The following KLHL32 variants were observed in gnomAD, a reference collection of about 807,000 sequenced individuals.
The protein encoded by KLHL32 is kelch-like protein 32.
KLHL32 carries 35 observed loss-of-function variants against 64.8 expected under a neutral mutation model. That is an observed-to-expected ratio of 0.54 (90% CI 0.41 to 0.72). The LOEUF (loss-of-function observed/expected upper bound fraction) is 0.72, where lower values mean the gene tolerates loss of function less well. KLHL32 is among the 30% of genes least tolerant of loss of function. The probability of loss-of-function intolerance (pLI) is 0.00; values close to 1 mark genes in which losing one functional copy is unlikely to be tolerated. For missense variants in KLHL32, 589 were observed against 768.5 expected, an observed-to-expected ratio of 0.77 and a Z score of 2.76; for synonymous variants, 259 against 281.0, an observed-to-expected ratio of 0.92 and a Z score of 0.78.
intron 3 of KLHL32, among the ~76,000 whole-genome samples, chr6:97,017,524 A>T (rs979434999): frequency 3.9e-5 from 6 of 152,252 alleles, no homozygotes; most frequent in Non-Finnish European, 7.3e-5. Context: ...GTTAGGTGGA[A>T]AAAAGGATGG....
chr6:96,978,338 T>G (rs1000625240), intron 3 of KLHL32, among the ~76,000 whole-genome samples: 6 of 152,134 alleles, frequency 3.9e-5, no homozygotes, highest in Admixed American at 6.5e-5. Context: ...TGTTCCCTTC[T>G]TTGCATCCAA....
intron 3 of KLHL32, among the ~76,000 whole-genome samples, chr6:96,984,057 C>A (rs1776694282): frequency 6.6e-6 from 1 of 152,174 alleles, no homozygotes; most frequent in Non-Finnish European, 1.5e-5. Context: ...TTGAATGCGT[C>A]CCAGAGATCC....
rs77584332 is a variant in KLHL32, at chr6:97,078,357, C to T, written c.412-6769C>T. On this transcript the variant is annotated intron_variant, in intron 5 of 10. Transcript: ENST00000369261. ...CCTATCTTTATCTATAGTAAAGTAT[C>T]GACATGGGGTAATTTAGGTGACATT... 8.1e-4 allele frequency among the ~76,000 whole-genome samples: 124 copies of T among 152,188 alleles called. 1 individual carries two copies. Among genetic ancestry groups the T allele is most frequent in the African/African-American group, 2.8e-3 (115 of 41,510 alleles).
chr6:96,975,205 G>A (rs1775558909), intron 2 of KLHL32, among the ~76,000 whole-genome samples: 4 of 152,202 alleles, frequency 2.6e-5, no homozygotes, highest in Admixed American at 2.6e-4. Context: ...GGGGTAGAGA[G>A]TGAAGGGGTA....
At chr6:96,938,707 G>C (rs1429638573) in intron 1 of KLHL32, among the ~76,000 whole-genome samples, 6 of 152,092 alleles carry the variant, frequency 3.9e-5, no homozygotes, top group African/African-American at 1.4e-4. Flanking sequence ...TTGAATCCTG[G>C]TTCTTTCATA....
chr6:96,928,771 G>C (rs1410158429), intron 1 of KLHL32, among the ~76,000 whole-genome samples: 1 of 152,232 alleles, frequency 6.6e-6, no homozygotes, highest in African/African-American at 2.4e-5. Context: ...AATGGGAAAA[G>C]ATTCTGGCAA....
intron 3 of KLHL32, among the ~76,000 whole-genome samples, chr6:97,017,829 T>C (rs1218287656): frequency 3.3e-5 from 5 of 152,114 alleles, no homozygotes; most frequent in African/African-American, 1.2e-4. Flanking sequence ...CAGTCTCTCT[T>C]TCTCATCTAC....
the KLHL32 span, among the ~76,000 whole-genome samples, chr6:96,903,480 G>C: frequency 6.6e-6 from 1 of 152,144 alleles, no homozygotes. Flanking sequence ...TCTCCTGTTG[G>C]CTTTGAAGAA....
intron 6 of KLHL32, among the ~76,000 whole-genome samples, chr6:97,092,114 C>T (rs1231371350): frequency 6.6e-6 from 1 of 152,046 alleles, no homozygotes; most frequent in Non-Finnish European, 1.5e-5. Context: ...CTCCGCCTCC[C>T]AAGTAGCTGG....
At chr6:97,080,521 C>T (rs1031903756) in intron 5 of KLHL32, among the ~76,000 whole-genome samples, 23 of 152,274 alleles carry the variant, frequency 1.5e-4, no homozygotes, top group African/African-American at 5.3e-4. Context: ...GATAGATCTG[C>T]AGTTAAAGGG....
the KLHL32 span, among the ~76,000 whole-genome samples, chr6:96,900,162 G>A: frequency 3.9e-5 from 6 of 152,192 alleles, no homozygotes; most frequent in African/African-American, 1.4e-4. Flanking sequence ...CCTTATGCAA[G>A]TAACTTAATG....
At chr6:97,124,418 T>C (rs1177815935) in intron 7 of KLHL32, among the ~76,000 whole-genome samples, 1 of 152,244 alleles carries the variant, frequency 6.6e-6, no homozygotes, top group Non-Finnish European at 1.5e-5. Flanking sequence ...GAAGAAAATG[T>C]ATTATAGATG....
rs368619132 is a variant in KLHL32, at chr6:97,130,841, G to T, written c.1498G>T (p.Gly500Ter). 11 of 1,613,974 alleles carry T rather than the reference G, an allele frequency of 6.8e-6. No individual in the cohort carries two copies. The African/African-American group carries it at 1.5e-4, about 22-fold the overall frequency. The change falls in exon 9 of 11, where the codon GGA (glycine) becomes TGA (stop). Residue 500 changes from glycine (G) to a stop codon, truncating the protein, a stop_gained. Transcript: ENST00000369261. LOFTEE classifies it high-confidence loss of function. Reference sequence around the variant, plus strand: ...TGTACAAAGGAAGCTTTATGTTCTTGGAGGCAATGACCTAGACTACAATAA... The same window carrying T: ...TGTACAAAGGAAGCTTTATGTTCTTTGAGGCAATGACCTAGACTACAATAA... ...AAVQRKLYVL[G>*]GNDLDYNNDR...
At chr6:97,114,763 GT>G (rs1240358959) in intron 7 of KLHL32, among the ~76,000 whole-genome samples, 1 of 152,102 alleles carries the variant, frequency 6.6e-6, no homozygotes, top group African/African-American at 2.4e-5. Flanking sequence ...CATCACAACT[GT>G]TTTTTTCCTA....
chr6:96,972,812 T>C (rs895980244), intron 2 of KLHL32, among the ~76,000 whole-genome samples: 2 of 152,214 alleles, frequency 1.3e-5, no homozygotes, highest in Admixed American at 1.3e-4. Context: ...CTGCTCCCCA[T>C]TTTAATTTAG....
At chr6:96,977,171 A>G (rs1048160753) in intron 3 of KLHL32, among the ~76,000 whole-genome samples, 4 of 152,192 alleles carry the variant, frequency 2.6e-5, no homozygotes, top group African/African-American at 7.2e-5. Flanking sequence ...TTATATGCAT[A>G]TCTCATTTGA....
At position 97,110,703 on chromosome 6, in the gene KLHL32, A is replaced by G. The variant is rs532796764; in HGVS notation, c.628-3080A>G. Among the ~76,000 whole-genome samples, 10 of 152,342 alleles carry G rather than the reference A, an allele frequency of 6.6e-5. No homozygotes were observed. In the South Asian group the frequency reaches 2.1e-3, roughly 32 times the overall value. ...GCCCAGAATCCTGATTCCATGGTTC[A>G]AAAAGGAAGTAAAGCACGATAAAAT... is the stretch of plus-strand genomic sequence containing the variant. On this transcript the variant is annotated intron_variant, in intron 6 of 10. Coordinates refer to ENST00000369261, the MANE Select transcript of KLHL32 (RefSeq NM_052904.4).
intron 3 of KLHL32, chr6:96,999,579 C>G: frequency 1.1e-6 from 1 of 944,778 alleles, no homozygotes; most frequent in East Asian, 1.2e-4. Context: ...CCATTTTTTC[C>G]CTGCTATTTT....
At chr6:96,936,142 C>T (rs935919428) in intron 1 of KLHL32, among the ~76,000 whole-genome samples, 6 of 152,126 alleles carry the variant, frequency 3.9e-5, no homozygotes, top group African/African-American at 1.2e-4. Context: ...AGTCTAATGT[C>T]ACTAGAAATA....
Sources: allele counts gnomAD v4.1 joint callset (sites outside exome capture counted in the v4.1 genomes callset), GRCh38; gene constraint gnomAD v4.1.1; transcripts MANE v1.5; gene names NCBI Gene and HGNC (gene_info 2026-07-23, HGNC 2026-07-21).